Variants in KREMEN1 observed in about 807,000 individuals in gnomAD.
KREMEN1 encodes the protein kringle containing transmembrane protein 1.
In KREMEN1, 30 loss-of-function variants were observed where a neutral mutation model predicts 46.5. That is an observed-to-expected ratio of 0.65 (90% confidence interval 0.48 to 0.88). The LOEUF (loss-of-function observed/expected upper bound fraction) is 0.88, where lower values mean the gene tolerates loss of function less well. Among genes scored for constraint, KREMEN1 ranks in the 40% least tolerant of loss-of-function variants. The pLI is 0.00. For synonymous variants in KREMEN1, 214 were observed against 230.6 expected, an observed-to-expected ratio of 0.93 and a Z score of 0.65; for missense variants, 533 against 596.9, an observed-to-expected ratio of 0.89 and a Z score of 1.11.
downstream of KREMEN1, among the ~76,000 whole-genome samples, chr22:29,147,305 C>A (rs948553862): frequency 2.0e-5 from 3 of 152,228 alleles, no homozygotes; most frequent in South Asian, 2.1e-4. Context: ...CTCTCCACCC[C>A]CTTCTTGCCC....
In KREMEN1 at chr22:29,073,809, CCGGGCCGGG is replaced by C. The variant is rs2037518475; in HGVS notation, c.97+583_97+591del. On this transcript the variant is annotated intron_variant, in intron 1 of 8. Coordinates refer to ENST00000400335, the MANE Select transcript of KREMEN1 (RefSeq NM_001039570.3). The surrounding 1 kb of genome is among the most constrained non-coding windows in gnomAD (Gnocchi z 4.4). ...GTCCCCAAGTCCCCAGCGACCCCTC[CCGGGCCGGG>C]ACGACCCCTGCTCCCCAGTACCTCC... Among the ~76,000 whole-genome samples the C allele has an allele frequency of 6.6e-6, 1 of 152,044 alleles. No homozygotes were observed. Among genetic ancestry groups the C allele is most frequent in the African/African-American group, 2.4e-5 (1 of 41,412 alleles).
At chr22:29,159,108 C>T (rs918610655) in intron 9 of KREMEN1, among the ~76,000 whole-genome samples, 2 of 144,186 alleles carry the variant, frequency 1.4e-5, no homozygotes, top group Non-Finnish European at 3.0e-5. Context: ...GCATGAGCCA[C>T]GGTGCCCAGC....
At chr22:29,150,046 C>T (rs1261464662), downstream of KREMEN1, among the ~76,000 whole-genome samples, 4 of 152,054 alleles carry the variant, frequency 2.6e-5, no homozygotes, top group East Asian at 1.9e-4. Context: ...GTGGCGAGGT[C>T]GGGTCCCGAT....
intron 9 of KREMEN1, among the ~76,000 whole-genome samples, chr22:29,161,400 G>A (rs1464894530): frequency 2.0e-5 from 3 of 149,750 alleles, no homozygotes; most frequent in Admixed American, 6.8e-5. Context: ...CCAACTACTT[G>A]GGAGGCTGAG....
At chr22:29,087,448 A>G (rs2037746474) in intron 1 of KREMEN1, among the ~76,000 whole-genome samples, 1 of 152,274 alleles carries the variant, frequency 6.6e-6, no homozygotes, top group African/African-American at 2.4e-5. Flanking sequence ...GGACAAATTA[A>G]GAATTACCTA....
chr22:29,100,443 A>T (rs964217993), intron 3 of KREMEN1, among the ~76,000 whole-genome samples: 15 of 152,118 alleles, frequency 9.9e-5, no homozygotes, highest in Admixed American at 2.6e-4. Context: ...GAGCTGAAAA[A>T]TTTCTGTTGC....
At position 29,073,973 on chromosome 22, in the gene KREMEN1, G is replaced by C. The variant is rs2037522843; in HGVS notation, c.97+746G>C. On this transcript the variant is annotated intron_variant, in intron 1 of 8. Coordinates refer to ENST00000400335, the MANE Select transcript of KREMEN1 (RefSeq NM_001039570.3). The surrounding 1 kb of genome is among the most constrained non-coding windows in gnomAD (Gnocchi z 4.4). ...CCCTGGGCCAAGGTCCCCTCCCTGAGCCTCACTGCGACGCCCCCGCGTCCC... is the reference window on the plus strand; with the variant it reads ...CCCTGGGCCAAGGTCCCCTCCCTGACCCTCACTGCGACGCCCCCGCGTCCC... 6.6e-6 allele frequency among the ~76,000 whole-genome samples: 1 copy of C among 151,976 alleles called. No homozygotes were observed. The highest frequency in any genetic ancestry group is 1.9e-4 in the East Asian group (1 of 5,158).
chr22:29,087,701 G>A (rs2037750412), intron 1 of KREMEN1, among the ~76,000 whole-genome samples: 1 of 152,104 alleles, frequency 6.6e-6, no homozygotes, highest in Non-Finnish European at 1.5e-5. Context: ...AAGTAGCTGG[G>A]ATTACAGGAA....
intron 4 of KREMEN1, among the ~76,000 whole-genome samples, chr22:29,124,328 C>G (rs1854631742): frequency 2.0e-5 from 3 of 152,030 alleles, no homozygotes; most frequent in Non-Finnish European, 4.4e-5. Context: ...CTATATGATT[C>G]TATTTATGTG....
rs1375713427 is a variant in KREMEN1 at position 29,145,748 on chromosome 22, G to A, written c.*3636G>A. Reference sequence around the variant, plus strand: ...GGACAGGCTTGAGGCCTCTCTGGGCGTGAGCGAGGAAACCAGGCTGCTCTA... The same window carrying A: ...GGACAGGCTTGAGGCCTCTCTGGGCATGAGCGAGGAAACCAGGCTGCTCTA... On this transcript the variant is annotated 3_prime_UTR_variant, in exon 9 of 9. Coordinates refer to ENST00000400335, the MANE Select transcript of KREMEN1 (RefSeq NM_001039570.3). The A allele has an allele frequency of 1.7e-5, 17 of 985,434 alleles. No individual in the cohort carries two copies. In the South Asian group the frequency reaches 5.2e-4, roughly 30 times the overall value. 61.0% of individuals were successfully genotyped at this position (985,434 alleles called of 1,614,324 possible). A position where few individuals can be genotyped will look rare whatever the true frequency, so the allele number is the denominator to read the frequency against.
chr22:29,155,173 C>T lies in KREMEN1; in HGVS notation c.1417-11871C>T, dbSNP rs1482674459. Among the ~76,000 whole-genome samples, 35 of 151,896 alleles carry T rather than the reference C, an allele frequency of 2.3e-4. 1 individual carries two copies. The highest frequency in any genetic ancestry group is 2.3e-3 in the Admixed American group (35 of 15,258). On this transcript the variant is annotated intron_variant, in intron 9 of 9. Coordinates refer to the KREMEN1 transcript ENST00000327813. ...AAATATATGTATGTGTATACAAAGG[C>T]ACCAGCAAAGTCCTGCAAGTTCTGT...
At chr22:29,086,687 C>T (rs2145747956) in intron 1 of KREMEN1, among the ~76,000 whole-genome samples, 1 of 152,298 alleles carries the variant, frequency 6.6e-6, no homozygotes, top group Non-Finnish European at 1.5e-5. Context: ...GGGCACCAGT[C>T]CGTATTTGAA....
At chr22:29,086,078 A>C (rs887321821) in intron 1 of KREMEN1, among the ~76,000 whole-genome samples, 29 of 151,286 alleles carry the variant, frequency 1.9e-4, no homozygotes, top group African/African-American at 6.8e-4. Context: ...GAAACGTAGA[A>C]TTAGAGAATT....
At chr22:29,151,498 C>G (rs183041596), downstream of KREMEN1, among the ~76,000 whole-genome samples, 2 of 152,264 alleles carry the variant, frequency 1.3e-5, no homozygotes, top group African/African-American at 4.8e-5. Context: ...ATGACTCCAA[C>G]AAGCCCTGGA....
At chr22:29,089,872 G>C (rs898041304) in intron 1 of KREMEN1, among the ~76,000 whole-genome samples, 1 of 152,124 alleles carries the variant, frequency 6.6e-6, no homozygotes, top group Admixed American at 6.5e-5. Context: ...CTGCCGCCTC[G>C]TTCACTGGGT....
Position 29,133,384 on chromosome 22 carries a change from C to T in KREMEN1, c.632-3958C>T, listed in dbSNP as rs115619323. Among the ~76,000 whole-genome samples the T allele has an allele frequency of 9.0e-3, 1,372 of 151,924 alleles. 14 individuals are homozygous for T. Among genetic ancestry groups the T allele is most frequent in the African/African-American group, 0.031 (1,302 of 41,440 alleles). On this transcript the variant is annotated intron_variant, in intron 5 of 8. Coordinates refer to ENST00000400335, the MANE Select transcript of KREMEN1 (RefSeq NM_001039570.3). ...GTGCAGTCATGGCCCACTGCAGCCT[C>T]GACCCCCCTGGGCTCAAGCAATCCT...
rs749485871 is a variant in KREMEN1 at position 29,142,126 on chromosome 22, C to T, written c.*14C>T. 1.3e-6 allele frequency: 2 copies of T among 1,566,250 alleles called. No homozygotes were observed. The highest frequency in any genetic ancestry group is 1.2e-5 in the South Asian group (1 of 83,474). On this transcript the variant is annotated 3_prime_UTR_variant, in exon 9 of 9. Coordinates refer to ENST00000400335, the MANE Select transcript of KREMEN1 (RefSeq NM_001039570.3). ...GTGAGTGACTAAAAACCCCACTGTG[C>T]CTAGGACTTGAGGTCCCTCTTTGAG...
intron 5 of KREMEN1, among the ~76,000 whole-genome samples, chr22:29,131,616 A>G (rs6006004): frequency 8.9e-5 from 12 of 134,804 alleles, no homozygotes; most frequent in South Asian, 6.8e-4. Context: ...ATGTGTGTAT[A>G]TATATGTATA....
Position 29,166,113 on chromosome 22 carries a change from A to G in KREMEN1, c.1417-931A>G, listed in dbSNP as rs368475495. On this transcript the variant is annotated intron_variant, in intron 9 of 9. Coordinates refer to the KREMEN1 transcript ENST00000327813. Reference sequence around the variant, plus strand: ...CACAGGTACAAGCACACAAGTACCCATGCACACATCACCCACATGCACGCC... The same window carrying G: ...CACAGGTACAAGCACACAAGTACCCGTGCACACATCACCCACATGCACGCC... Among the ~76,000 whole-genome samples, 38 of 152,260 alleles carry G rather than the reference A, an allele frequency of 2.5e-4. No individual in the cohort carries two copies. In the East Asian group the frequency reaches 7.1e-3, roughly 29 times the overall value.
Sources: gnomAD v4.1 joint callset for allele counts (sites outside exome capture counted in the v4.1 genomes callset) on GRCh38, gnomAD v4.1.1 for gene constraint, Gnocchi (gnomAD v3.1) non-coding constraint, MANE v1.5 for transcripts, NCBI Gene and HGNC (gene_info 2026-07-23, HGNC 2026-07-21) for gene names.